The following SMYD3 variants were observed in gnomAD, a reference collection of about 807,000 sequenced individuals.
The protein encoded by SMYD3 is SET and MYND domain containing 3, also known as histone-lysine N-methyltransferase SMYD3.
In SMYD3, 36 loss-of-function variants were observed where a neutral mutation model predicts 57.7. That is an observed-to-expected ratio of 0.62 (90% CI 0.48 to 0.82). The LOEUF is 0.82. Among genes scored for constraint, SMYD3 ranks in the 40% least tolerant of loss-of-function variants. SMYD3 has a pLI of 0.00. For missense variants in SMYD3, 515 were observed against 538.8 expected (o/e 0.96, Z 0.44); for synonymous variants, 211 against 195.0 (o/e 1.08, Z -0.68).
intron 5 of SMYD3, among the ~76,000 whole-genome samples, chr1:245,944,609 T>C (rs1333053995): frequency 2.0e-5 from 3 of 152,154 alleles, no homozygotes; most frequent in Non-Finnish European, 2.9e-5. Context: ...TAAACTACCA[T>C]TGACATTATT....
intron 5 of SMYD3, among the ~76,000 whole-genome samples, chr1:246,199,754 C>T (rs564808854): frequency 2.6e-5 from 4 of 152,200 alleles, no homozygotes; most frequent in African/African-American, 7.2e-5. Flanking sequence ...AAAGTAAACA[C>T]GGAGATGCTA....
intron 10 of SMYD3, among the ~76,000 whole-genome samples, chr1:245,836,946 A>AT: frequency 6.6e-6 from 1 of 152,150 alleles, no homozygotes; most frequent in South Asian, 2.1e-4. Context: ...TTTCAACAGG[A>AT]TTTTTCAGGA....
intron 10 of SMYD3, among the ~76,000 whole-genome samples, chr1:245,777,245 TA>T (rs201509023): frequency 1.7e-4 from 26 of 149,526 alleles, no homozygotes; most frequent in Non-Finnish European, 3.3e-4. Context: ...GAATTTATTC[TA>T]AAAAAAAAAT....
intron 10 of SMYD3, among the ~76,000 whole-genome samples, chr1:245,805,919 A>T (rs2048124477): frequency 6.6e-6 from 1 of 152,222 alleles, no homozygotes; most frequent in Non-Finnish European, 1.5e-5. Flanking sequence ...CTACTGCTTC[A>T]GTATATGCAG....
intron 11 of SMYD3, 75 bp from the exon 12 acceptor site, chr1:245,749,739 GA>G (rs1486659010): frequency 7.0e-6 from 8 of 1,144,880 alleles, no homozygotes; most frequent in Non-Finnish European, 7.8e-6. Context: ...TTTACCCCAT[GA>G]TGCCAGGGGC....
chr1:246,326,206 A>G, intron 5 of SMYD3: 1 of 437,036 alleles, frequency 2.3e-6, no homozygotes, highest in Non-Finnish European at 4.1e-6. Flanking sequence ...TGTGCTTACA[A>G]ATTACAAAAT....
intron 1 of SMYD3, among the ~76,000 whole-genome samples, chr1:246,445,619 C>G (rs1010084065): frequency 6.6e-6 from 1 of 152,008 alleles, no homozygotes; most frequent in Admixed American, 6.6e-5. Context: ...ACAAAGAAAA[C>G]GAACTTAGGA....
chr1:246,199,628 G>C (rs1479983668), intron 5 of SMYD3, among the ~76,000 whole-genome samples: 1 of 152,186 alleles, frequency 6.6e-6, no homozygotes, highest in Non-Finnish European at 1.5e-5. Context: ...CCAATATCTT[G>C]TCACGTACAA....
intron 10 of SMYD3, among the ~76,000 whole-genome samples, chr1:245,783,358 G>A (rs1202413773): frequency 6.6e-6 from 1 of 152,144 alleles, no homozygotes; most frequent in Non-Finnish European, 1.5e-5. Flanking sequence ...TGTAGACTGA[G>A]CATATCCATC....
intron 9 of SMYD3, among the ~76,000 whole-genome samples, chr1:245,863,120 T>C (rs1322930309): frequency 2.0e-5 from 3 of 152,216 alleles, no homozygotes. Flanking sequence ...CCTTGATCTC[T>C]TCCTTCTTGC....
chr1:245,872,232 T>A (rs976263546), intron 8 of SMYD3, among the ~76,000 whole-genome samples: 1 of 152,240 alleles, frequency 6.6e-6, no homozygotes, highest in Non-Finnish European at 1.5e-5. Context: ...TTCATCTATT[T>A]CATGAAATTG....
intron 5 of SMYD3, among the ~76,000 whole-genome samples, chr1:246,324,865 G>C (rs1348618267): frequency 1.3e-5 from 2 of 150,930 alleles, no homozygotes; most frequent in Non-Finnish European, 2.9e-5. Flanking sequence ...CCGTGTGCTT[G>C]ATGTGACTTG....
At chr1:246,279,498 C>T (rs1459901036) in intron 5 of SMYD3, among the ~76,000 whole-genome samples, 3 of 151,650 alleles carry the variant, frequency 2.0e-5, no homozygotes, top group South Asian at 2.1e-4. Flanking sequence ...TCCAGCCTGG[C>T]GACAGAGTAA....
intron 5 of SMYD3, among the ~76,000 whole-genome samples, chr1:245,984,818 AC>A (rs2058670653): frequency 1.3e-5 from 2 of 151,796 alleles, no homozygotes; most frequent in Non-Finnish European, 2.9e-5. Context: ...AGTCTCCCTG[AC>A]CTCCCTGGGA....
intron 1 of SMYD3, among the ~76,000 whole-genome samples, chr1:246,423,234 T>A (rs1346539139): frequency 1.3e-5 from 2 of 150,468 alleles, no homozygotes; most frequent in Admixed American, 1.3e-4. Flanking sequence ...GAAACGAAGG[T>A]TGCAGTGAGC....
intron 1 of SMYD3, among the ~76,000 whole-genome samples, chr1:246,360,686 C>A (rs542807840): frequency 6.6e-6 from 1 of 152,090 alleles, no homozygotes; most frequent in African/African-American, 2.4e-5. Flanking sequence ...CAAACAAAAA[C>A]ATAAAGTAGG....
chr1:246,134,210 ATGAC>A (rs949167403), intron 5 of SMYD3, among the ~76,000 whole-genome samples: 1 of 152,140 alleles, frequency 6.6e-6, no homozygotes, highest in Non-Finnish European at 1.5e-5. Flanking sequence ...GAAGTGGCCT[ATGAC>A]TGACATTTCA....
chr1:245,978,800 C>T lies in SMYD3; in HGVS notation c.532-48863G>A, dbSNP rs940944754. Among the ~76,000 whole-genome samples, 5 of 152,252 alleles carry T rather than the reference C, an allele frequency of 3.3e-5. No homozygotes were observed. The East Asian group carries it at 9.7e-4, about 30-fold the overall frequency. On this transcript the variant is annotated intron_variant, in intron 5 of 11. Coordinates refer to ENST00000490107, the MANE Select transcript of SMYD3 (RefSeq NM_001167740.2). ...ACTCCTCTCCCATTTCTCATTTCTGCTCCCATTTCCCCTTGTTCCCTCCAA... is the reference window on the plus strand; with the variant it reads ...ACTCCTCTCCCATTTCTCATTTCTGTTCCCATTTCCCCTTGTTCCCTCCAA...
At chr1:245,862,505 T>A (rs1306427939) in intron 9 of SMYD3, among the ~76,000 whole-genome samples, 1 of 152,154 alleles carries the variant, frequency 6.6e-6, no homozygotes, top group African/African-American at 2.4e-5. Flanking sequence ...TGAACTCTTT[T>A]TTTTCTTTCG....
Sources: gnomAD v4.1 joint callset for allele counts (sites outside exome capture counted in the v4.1 genomes callset) on GRCh38, gnomAD v4.1.1 for gene constraint, MANE v1.5 for transcripts, NCBI Gene and HGNC (gene_info 2026-07-23, HGNC 2026-07-21) for gene names.